GOLGA3: variants seen among roughly 807,000 people sequenced by gnomAD.
The protein encoded by GOLGA3 is golgin A3.
GOLGA3 carries 75 observed loss-of-function variants against 169.4 expected under a neutral mutation model. The observed-to-expected ratio is 0.44, with a 90% CI of 0.37 to 0.54. GOLGA3 has a LOEUF of 0.54. Among genes scored for constraint, GOLGA3 ranks in the 20% least tolerant of loss-of-function variants. The pLI is 0.00. For missense variants in GOLGA3, 1,899 were observed against 1,930.0 expected, an observed-to-expected ratio of 0.98 and a Z score of 0.30; for synonymous variants, 824 against 822.4, an observed-to-expected ratio of 1.00 and a Z score of -0.03.
intron 2 of GOLGA3, among the ~76,000 whole-genome samples, chr12:132,819,864 T>C (rs1269149977): frequency 1.3e-5 from 2 of 152,004 alleles, no homozygotes; most frequent in African/African-American, 4.8e-5. Context: ...ACAGCAAGAC[T>C]GTTTATACAA....
chr12:132,812,019 A>AC (rs1369317154), intron 4 of GOLGA3, among the ~76,000 whole-genome samples: 3 of 149,498 alleles, frequency 2.0e-5, no homozygotes, highest in South Asian at 4.3e-4. Context: ...AAAAAAAAAA[A>AC]AAAACATTAA....
intron 4 of GOLGA3, among the ~76,000 whole-genome samples, chr12:132,812,914 C>A (rs909259976): frequency 6.6e-6 from 1 of 152,158 alleles, no homozygotes; most frequent in Non-Finnish European, 1.5e-5. Flanking sequence ...CTCAGATGAT[C>A]GTTAGCATTT....
At chr12:132,820,066 A>G (rs1950145919) in intron 2 of GOLGA3, among the ~76,000 whole-genome samples, 1 of 152,124 alleles carries the variant, frequency 6.6e-6, no homozygotes, top group Non-Finnish European at 1.5e-5. Flanking sequence ...AATCCCAGCT[A>G]CTCAGGAGGC....
At chr12:132,783,231 G>A (rs1176774032) in intron 16 of GOLGA3, among the ~76,000 whole-genome samples, 1 of 152,190 alleles carries the variant, frequency 6.6e-6, no homozygotes, top group South Asian at 2.1e-4. Flanking sequence ...ACACAACCCT[G>A]CGATGGACAC....
rs1161339338 is a variant in GOLGA3 at position 132,816,824 on chromosome 12, G to A, written c.134-12C>T. 1.9e-6 allele frequency: 3 copies of A among 1,576,234 alleles called. No homozygotes were observed. Among genetic ancestry groups the A allele is most frequent in the South Asian group, 1.1e-5 (1 of 87,184 alleles). On this transcript the variant is annotated splice_polypyrimidine_tract_variant and intron_variant, in intron 2 of 23. Coordinates refer to ENST00000450791, the MANE Select transcript of GOLGA3 (RefSeq NM_001389683.1). ...GTTTACCTCGGCACCTGGAAAGACA[G>A]AGCACGCTGGACCACCATGGCTTTA... is the stretch of plus-strand genomic sequence containing the variant.
At chr12:132,826,085 G>A in intron 1 of GOLGA3, 1 of 1,451,026 alleles carries the variant, frequency 6.9e-7, no homozygotes, top group Non-Finnish European at 9.7e-7. Flanking sequence ...CGTCACAGTG[G>A]GCGAGTGCCG....
In GOLGA3 at chr12:132,796,160, C is replaced by A; in HGVS notation, c.2161G>T (p.Asp721Tyr). ...GTCAAGGTGAGCTGTTTCATCAGGT[C>A]CAGGTGCTCCTGCTGCAAAGCCTCA... ...QLEALQQEHL[D>Y]LMKQLTLTQE... Residue 721 changes from aspartate (D) to tyrosine (Y), a missense_variant, in exon 11 of 24, where the codon GAC becomes TAC. Physicochemically the swap from Asp to Tyr is radical, Grantham distance 160. Transcript: ENST00000450791. 1.2e-6 allele frequency: 2 copies of A among 1,607,346 alleles called. No homozygotes were observed. The highest frequency in any genetic ancestry group is 1.7e-6 in the Non-Finnish European group (2 of 1,175,606).
In GOLGA3 at chr12:132,822,284, G is replaced by C. The variant is rs1182727729; in HGVS notation, c.-156C>G. 2 of 1,382,376 alleles carry C rather than the reference G, an allele frequency of 1.4e-6. No individual in the cohort carries two copies. Among genetic ancestry groups the C allele is most frequent in the Non-Finnish European group, 1.9e-6 (2 of 1,073,962 alleles). The allele number at this position is 1,382,376 out of a possible 1,614,324, so 85.6% of individuals were successfully genotyped here. A position where few individuals can be genotyped will look rare whatever the true frequency, so the allele number is the denominator to read the frequency against. The stretch of plus-strand genomic sequence containing the variant: ...AGATCTGATGACTCACAAATGACTT[G>C]ATGTCAAACCAGCTAATATCATGAT... On this transcript the variant is annotated 5_prime_UTR_variant, in exon 2 of 24. In the 5' UTR this introduces an upstream ATG that the reference lacks. Transcript: ENST00000450791.
intron 11 of GOLGA3, among the ~76,000 whole-genome samples, chr12:132,794,443 G>A (rs771193416): frequency 1.3e-5 from 2 of 152,072 alleles, no homozygotes; most frequent in Non-Finnish European, 2.9e-5. Context: ...TCTCCCAGTC[G>A]GCTGACTATG....
intron 10 of GOLGA3, 54 bp downstream of exon 10, chr12:132,796,485 C>A: frequency 6.4e-7 from 1 of 1,560,020 alleles, no homozygotes; most frequent in Non-Finnish European, 8.6e-7. Context: ...GCAGTCCTGG[C>A]TGCTCGGGAT....
At chr12:132,780,979 C>T (rs1001653402) in intron 17 of GOLGA3, 65 bp from the exon 18 acceptor site, 3 of 1,215,158 alleles carry the variant, frequency 2.5e-6, no homozygotes, top group Non-Finnish European at 3.6e-6. Flanking sequence ...AAGGCTGCTA[C>T]AGCAGGCAAC....
intron 8 of GOLGA3, among the ~76,000 whole-genome samples, chr12:132,799,414 G>T (rs1949024198): frequency 1.3e-5 from 2 of 152,220 alleles, no homozygotes; most frequent in African/African-American, 4.8e-5. Context: ...ACGCTGGGAG[G>T]ATCGCTTGAG....
intron 6 of GOLGA3, among the ~76,000 whole-genome samples, chr12:132,806,148 C>T (rs1462771850): frequency 1.3e-5 from 2 of 152,198 alleles, no homozygotes; most frequent in Non-Finnish European, 2.9e-5. Context: ...AGGAACTCCA[C>T]AAACTCCAGG....
chr12:132,788,404 C>G (rs1420673368), intron 13 of GOLGA3, among the ~76,000 whole-genome samples: 1 of 152,246 alleles, frequency 6.6e-6, no homozygotes, highest in East Asian at 1.9e-4. Context: ...CTCCCGGTTC[C>G]TCAGCCTGGA....
At chr12:132,821,592 T>C (rs1364066622) in intron 2 of GOLGA3, among the ~76,000 whole-genome samples, 1 of 152,118 alleles carries the variant, frequency 6.6e-6, no homozygotes, top group African/African-American at 2.4e-5. Context: ...GGCTCACACC[T>C]GTAATCCCAG....
rs1185951877 is a variant in GOLGA3 at position 132,804,283 on chromosome 12, G to GTCC, written c.1597+432_1597+433insGGA. ...CAGCTCTATACTCCCAAATAACACT[G>GTCC]GACTTTTGAGGCAGGATCACCGCAG... On this transcript the variant is annotated intron_variant, in intron 7 of 23. Transcript: ENST00000450791. This position sits in a 1 kb window ranked among gnomAD's most constrained non-coding sequence, Gnocchi z 4.1. Among the ~76,000 whole-genome samples, 1 of 152,160 alleles carries GTCC rather than the reference G, an allele frequency of 6.6e-6. No homozygotes were observed. The highest frequency in any genetic ancestry group is 1.5e-5 in the Non-Finnish European group (1 of 68,034).
At chr12:132,779,088 T>C (rs887777519) in intron 18 of GOLGA3, among the ~76,000 whole-genome samples, 1 of 149,768 alleles carries the variant, frequency 6.7e-6, no homozygotes, top group Non-Finnish European at 1.5e-5. Context: ...TCCAGCCACA[T>C]TTTTTTTTTG....
Position 132,812,256 on chromosome 12 carries a change from C to A in GOLGA3, c.519+1051G>T, listed in dbSNP as rs1397815626. Among the ~76,000 whole-genome samples, 17 of 151,314 alleles carry A rather than the reference C, an allele frequency of 1.1e-4. 1 individual carries two copies. In the East Asian group the frequency reaches 3.3e-3, roughly 29 times the overall value. ...TTTTTTTAACTGCTCATTGACAATA[C>A]GCCAGATCACCTAAGAGCTCTGATG... On this transcript the variant is annotated intron_variant, in intron 4 of 23. Transcript: ENST00000450791.
Position 132,804,888 on chromosome 12 carries a change from C to A in GOLGA3, c.1425G>T (p.Gln475His). The part of the protein sequence containing the change: ...SLSSEVDTLK[Q>H]SCWDLERAMT... ...TGGCTCGCTCCAGGTCCCAGCACGA[C>A]TGCTTCAGGGTGTCCACCTCCGAGC... is the stretch of plus-strand genomic sequence containing the variant. Residue 475 changes from glutamine (Q) to histidine (H), a missense_variant, in exon 7 of 24, where the codon CAG (glutamine) becomes CAT (histidine). By Grantham distance (24) the Gln-to-His change is conservative. Coordinates refer to ENST00000450791, the MANE Select transcript of GOLGA3 (RefSeq NM_001389683.1). This position sits in a 1 kb window ranked among gnomAD's most constrained non-coding sequence, Gnocchi z 4.1. 6.2e-7 allele frequency: 1 copy of A among 1,614,128 alleles called. No homozygotes were observed. Among genetic ancestry groups the A allele is most frequent in the Non-Finnish European group, 8.5e-7 (1 of 1,180,040 alleles).
Sources: gnomAD v4.1 joint callset for allele counts (sites outside exome capture counted in the v4.1 genomes callset) on GRCh38, gnomAD v4.1.1 for gene constraint, Gnocchi (gnomAD v3.1) non-coding constraint, MANE v1.5 for transcripts, NCBI Gene and HGNC (gene_info 2026-07-23, HGNC 2026-07-21) for gene names.